Variants in COG5 observed in about 807,000 individuals in gnomAD.
The protein encoded by COG5 is conserved oligomeric Golgi complex subunit 5.
A neutral mutation model predicts 110.4 loss-of-function variants in COG5; 86 were observed. That is an observed-to-expected ratio of 0.78 (90% CI 0.65 to 0.93). The LOEUF (loss-of-function observed/expected upper bound fraction) is 0.93, where lower values mean the gene tolerates loss of function less well. COG5 is among the 40% of genes least tolerant of loss of function. The pLI is 0.00. For synonymous variants in COG5, 360 were observed against 334.6 expected (o/e 1.08, Z -0.83); for missense variants, 1,077 against 987.0 (o/e 1.09, Z -1.22).
At chr7:107,541,751 T>G (rs1343774264) in intron 5 of COG5, among the ~76,000 whole-genome samples, 3 of 150,654 alleles carry the variant, frequency 2.0e-5, no homozygotes, top group African/African-American at 4.9e-5. Flanking sequence ...GCCAATATGT[T>G]GAAACCCTGT....
chr7:107,216,565 T>C (rs1303306154), intron 19 of COG5, among the ~76,000 whole-genome samples: 2 of 152,168 alleles, frequency 1.3e-5, no homozygotes, highest in Non-Finnish European at 2.9e-5. Context: ...CTAATCAGAA[T>C]GGTATGAAAC....
At chr7:107,408,806 A>G (rs1438385726) in intron 7 of COG5, among the ~76,000 whole-genome samples, 2 of 152,182 alleles carry the variant, frequency 1.3e-5, no homozygotes, top group African/African-American at 2.4e-5. Context: ...TGAAGGTTAT[A>G]TAAAACACCA....
chr7:107,330,018 C>T (rs1056417686), intron 10 of COG5, among the ~76,000 whole-genome samples: 2 of 152,214 alleles, frequency 1.3e-5, no homozygotes, highest in Non-Finnish European at 1.5e-5. Context: ...CAGCCTGTTA[C>T]ATATTTGCTT....
chr7:107,486,283 A>G (rs1797652051), intron 6 of COG5, among the ~76,000 whole-genome samples: 1 of 152,112 alleles, frequency 6.6e-6, no homozygotes, highest in Admixed American at 6.6e-5. Flanking sequence ...AGGTGAAGAA[A>G]TCAAGTCAGA....
In COG5 at chr7:107,469,839, T is replaced by A. The variant is rs1000928679; in HGVS notation, c.539-57207A>T. Among the ~76,000 whole-genome samples, 4 of 152,102 alleles carry A rather than the reference T, an allele frequency of 2.6e-5. No individual in the cohort carries two copies. The East Asian group carries it at 7.7e-4, about 29-fold the overall frequency. On this transcript the variant is annotated intron_variant, in intron 6 of 21. Transcript: ENST00000297135. ...CCAACAAACCAGAATAGAATACACATTTTTAAAATACTAATTTACACATAT... is the reference window on the plus strand; with the variant it reads ...CCAACAAACCAGAATAGAATACACAATTTTAAAATACTAATTTACACATAT...
At chr7:107,276,319 T>C (rs1804699901) in intron 14 of COG5, among the ~76,000 whole-genome samples, 1 of 152,090 alleles carries the variant, frequency 6.6e-6, no homozygotes, top group African/African-American at 2.4e-5. Flanking sequence ...AGTTCCCTTA[T>C]GTACTAATAT....
intron 6 of COG5, among the ~76,000 whole-genome samples, chr7:107,458,885 A>C (rs1795819915): frequency 6.6e-6 from 1 of 151,648 alleles, no homozygotes; most frequent in Admixed American, 6.6e-5. Context: ...TGTATATATA[A>C]CAAATATATG....
chr7:107,259,647 G>A (rs1455754421), intron 14 of COG5, among the ~76,000 whole-genome samples: 1 of 152,078 alleles, frequency 6.6e-6, no homozygotes, highest in Non-Finnish European at 1.5e-5. Context: ...AAAGTTACAA[G>A]CTCTAGCTGT....
intron 6 of COG5, among the ~76,000 whole-genome samples, chr7:107,483,207 G>T (rs78393140): frequency 2.6e-5 from 4 of 152,120 alleles, no homozygotes; most frequent in Admixed American, 6.5e-5. Flanking sequence ...GATAAATGCC[G>T]CAAATGGTAT....
At chr7:107,336,786 A>G (rs1236754533) in intron 10 of COG5, among the ~76,000 whole-genome samples, 3 of 152,222 alleles carry the variant, frequency 2.0e-5, no homozygotes, top group Non-Finnish European at 4.4e-5. Flanking sequence ...CAAATAACCC[A>G]GGCTACCGCT....
At chr7:107,217,797 G>C (rs1799630339) in intron 19 of COG5, among the ~76,000 whole-genome samples, 1 of 152,056 alleles carries the variant, frequency 6.6e-6, no homozygotes, top group Non-Finnish European at 1.5e-5. Context: ...TCTAAGATCA[G>C]GAACAAGACA....
intron 10 of COG5, among the ~76,000 whole-genome samples, chr7:107,347,120 T>C (rs1044520212): frequency 2.0e-5 from 3 of 152,194 alleles, no homozygotes; most frequent in Non-Finnish European, 4.4e-5. Context: ...ATTCTGATTA[T>C]AAATAAGTTG....
chr7:107,388,336 T>C (rs965758416), intron 7 of COG5, among the ~76,000 whole-genome samples: 4 of 152,226 alleles, frequency 2.6e-5, no homozygotes, highest in African/African-American at 7.2e-5. Context: ...CAACCCGGTA[T>C]GTCATTAAAC....
Position 107,563,860 on chromosome 7 carries a change from G to A in COG5, c.37C>T (p.Leu13Phe), listed in dbSNP as rs1429157275. 9.3e-6 allele frequency: 15 copies of A among 1,613,572 alleles called. No homozygotes were observed. The highest frequency in any genetic ancestry group is 4.4e-5 in the South Asian group (4 of 91,086). Reference protein sequence around the residue: ...GGGGSVAVAGLGARGSGAAAA... With the variant: ...GGGGSVAVAGFGARGSGAAAA... ...GCCGCTCCAGAGCCTCGAGCTCCGA[G>A]GCCAGCTACAGCGACGCTGCCGCCG... The change falls in exon 1 of 22, where the codon CTC becomes TTC. Residue 13 changes from leucine (L) to phenylalanine (F), a missense_variant. Coordinates refer to ENST00000297135, the MANE Select transcript of COG5 (RefSeq NM_006348.5).
chr7:107,243,978 G>A (rs1263004482), intron 17 of COG5, among the ~76,000 whole-genome samples: 1 of 152,188 alleles, frequency 6.6e-6, no homozygotes, highest in Non-Finnish European at 1.5e-5. Context: ...TGGACGTGGT[G>A]GCTCATGCCT....
chr7:107,504,191 G>C (rs558461539), intron 6 of COG5, among the ~76,000 whole-genome samples: 5 of 152,042 alleles, frequency 3.3e-5, no homozygotes, highest in African/African-American at 9.6e-5. Flanking sequence ...AGTTTGTTGA[G>C]GGTTTTTTAT....
At chr7:107,264,465 G>A (rs868454858) in intron 14 of COG5, among the ~76,000 whole-genome samples, 13 of 152,252 alleles carry the variant, frequency 8.5e-5, no homozygotes, top group Middle Eastern at 6.8e-3. Context: ...ACTGAGGCAG[G>A]AGGATCGCTT....
intron 7 of COG5, among the ~76,000 whole-genome samples, chr7:107,404,139 C>T (rs1324040749): frequency 1.3e-5 from 2 of 152,072 alleles, no homozygotes; most frequent in East Asian, 1.9e-4. Flanking sequence ...GTAAAGATAG[C>T]ACTAAAGACT....
At chr7:107,558,522 T>C (rs1480088117) in intron 1 of COG5, among the ~76,000 whole-genome samples, 1 of 151,984 alleles carries the variant, frequency 6.6e-6, no homozygotes, top group East Asian at 1.9e-4. Flanking sequence ...AAGAATAGCT[T>C]GAACCCGGGA....
Sources: allele counts gnomAD v4.1 joint callset (sites outside exome capture counted in the v4.1 genomes callset), GRCh38; gene constraint gnomAD v4.1.1; transcripts MANE v1.5; gene names NCBI Gene and HGNC (gene_info 2026-07-23, HGNC 2026-07-21).